The following ASB18 variants were observed in gnomAD, a reference collection of about 807,000 sequenced individuals.
ASB18 encodes ankyrin repeat and SOCS box containing 18.
In ASB18, 33 loss-of-function variants were observed where a neutral mutation model predicts 33.4. The observed-to-expected ratio is 0.99, with a 90% CI of 0.75 to 1.32. ASB18 has a LOEUF of 1.32. Among genes scored for constraint, ASB18 ranks in the 40% most tolerant of loss-of-function variants. The pLI is 0.00. For synonymous variants in ASB18, 295 were observed against 307.6 expected, an observed-to-expected ratio of 0.96 and a Z score of 0.43; for missense variants, 694 against 655.5, an observed-to-expected ratio of 1.06 and a Z score of -0.64.
intron 3 of ASB18, among the ~76,000 whole-genome samples, chr2:236,224,185 GTTTTTTTTTTTTTTTT>G (rs1161648778): frequency 3.0e-5 from 2 of 66,772 alleles, no homozygotes; most frequent in Admixed American, 1.8e-4. Flanking sequence ...GTGTTGTCAG[GTTTTTTTTTTTTTTTT>G]TTTTTTTTTT....
At chr2:236,232,158 A>G (rs1291938257) in intron 3 of ASB18, among the ~76,000 whole-genome samples, 1 of 152,162 alleles carries the variant, frequency 6.6e-6, no homozygotes, top group Non-Finnish European at 1.5e-5. Context: ...CATACAAAGT[A>G]AATTTTCTAG....
rs1442809098 is a variant in ASB18 at position 236,256,431 on chromosome 2, G to A, written c.205+7710C>T. Among the ~76,000 whole-genome samples the A allele has an allele frequency of 2.6e-5, 4 of 152,150 alleles. No homozygotes were observed. The highest frequency in any genetic ancestry group is 5.9e-5 in the Non-Finnish European group (4 of 68,036). Reference sequence around the variant, plus strand: ...CAGAGGTTGGCATTAAAAGATAGTGGGGCATTGGATGGGAAGCTAGAATCA... The same window carrying A: ...CAGAGGTTGGCATTAAAAGATAGTGAGGCATTGGATGGGAAGCTAGAATCA... On this transcript the variant is annotated intron_variant, in intron 1 of 5. Transcript: ENST00000409749. The surrounding 1 kb of genome is among the most constrained non-coding windows in gnomAD (Gnocchi z 4.7).
intron 1 of ASB18, among the ~76,000 whole-genome samples, chr2:236,243,601 G>C (rs2060632012): frequency 2.0e-5 from 3 of 152,044 alleles, no homozygotes; most frequent in Non-Finnish European, 2.9e-5. Flanking sequence ...ACATGATCTG[G>C]GGCCCTGGTA....
chr2:236,248,190 A>G lies in ASB18; in HGVS notation c.206-6788T>C, dbSNP rs13429797. 39,826 of 152,108 alleles carry G rather than the reference A, an allele frequency of 0.26. 7,868 individuals carry two copies. The highest frequency in any genetic ancestry group is 0.56 in the African/African-American group (23,216 of 41,410). The allele number at this position is 152,108 out of a possible 1,614,324, so 9.4% of individuals were successfully genotyped here. A position where few individuals can be genotyped will look rare whatever the true frequency, so the allele number is the denominator to read the frequency against. On this transcript the variant is annotated intron_variant, in intron 1 of 5. Coordinates refer to ENST00000409749, the MANE Select transcript of ASB18 (RefSeq NM_212556.4). The surrounding 1 kb of genome is among the most constrained non-coding windows in gnomAD (Gnocchi z 4.9). ...AACAGCAGTGGTTCAAACGTTGGCT[A>G]CAAAAATGAATCACCTGAGGAACTT...
chr2:236,208,836 G>A lies in ASB18; in HGVS notation c.1101+5526C>T, dbSNP rs1316155751. ...GCGGCCTCCTTGCTGTCTGCGGAGAGGCGGCTGCCACATTACTCTGACATG... is the reference window on the plus strand; with the variant it reads ...GCGGCCTCCTTGCTGTCTGCGGAGAAGCGGCTGCCACATTACTCTGACATG... On this transcript the variant is annotated intron_variant, in intron 4 of 5. Transcript: ENST00000409749. This position sits in a 1 kb window ranked among gnomAD's most constrained non-coding sequence, Gnocchi z 7.7. 6.6e-6 allele frequency among the ~76,000 whole-genome samples: 1 copy of A among 152,202 alleles called. No homozygotes were observed. The highest frequency in any genetic ancestry group is 6.5e-5 in the Admixed American group (1 of 15,284).
rs2060660591 is a variant in ASB18, at chr2:236,249,651, T to C, written c.206-8249A>G. ...TCCAAGCCAGTACATTTAGTATTTT[T>C]AGTTTTTCAAATGGTGTACTTATTT... On this transcript the variant is annotated intron_variant, in intron 1 of 5. Coordinates refer to ENST00000409749, the MANE Select transcript of ASB18 (RefSeq NM_212556.4). This position sits in a 1 kb window ranked among gnomAD's most constrained non-coding sequence, Gnocchi z 4.6. 1 of 152,214 alleles carries C rather than the reference T, an allele frequency of 6.6e-6. No individual in the cohort carries two copies. Among genetic ancestry groups the C allele is most frequent in the African/African-American group, 2.4e-5 (1 of 41,442 alleles). 9.4% of individuals were successfully genotyped at this position (152,214 alleles called of 1,614,324 possible).
chr2:236,209,963 A>C lies in ASB18; in HGVS notation c.1101+4399T>G, dbSNP rs1424791085. On this transcript the variant is annotated intron_variant, in intron 4 of 5. Transcript: ENST00000409749. This position sits in a 1 kb window ranked among gnomAD's most constrained non-coding sequence, Gnocchi z 4.4. Reference sequence around the variant, plus strand: ...TCACAAAGATAAGCCTTCAGCCTTCAGATCTCGGCTCACTCATCACACACT... The same window carrying C: ...TCACAAAGATAAGCCTTCAGCCTTCCGATCTCGGCTCACTCATCACACACT... Among the ~76,000 whole-genome samples the C allele has an allele frequency of 1.3e-5, 2 of 152,348 alleles. No homozygotes were observed. Among genetic ancestry groups the C allele is most frequent in the East Asian group, 3.9e-4 (2 of 5,192 alleles).
In ASB18 at chr2:236,245,188, C is replaced by T. The variant is rs1322959049; in HGVS notation, c.206-3786G>A. ...ATCTGACCTCTGGGCAAAGGCTCAG[C>T]TCTGGGGCTGCAGAAGGGCCCATTG... On this transcript the variant is annotated intron_variant, in intron 1 of 5. Coordinates refer to ENST00000409749, the MANE Select transcript of ASB18 (RefSeq NM_212556.4). This position sits in a 1 kb window ranked among gnomAD's most constrained non-coding sequence, Gnocchi z 4.7. Among the ~76,000 whole-genome samples the T allele has an allele frequency of 6.6e-6, 1 of 152,226 alleles. No homozygotes were observed. The highest frequency in any genetic ancestry group is 1.5e-5 in the Non-Finnish European group (1 of 68,036).
chr2:236,195,188 G>GA lies in ASB18; in HGVS notation c.1216-132_1216-131insT, dbSNP rs2060366071. ...CTGATCCCAGATAAGCGCACTGGAG[G>GA]GAGACGCACCATCTTGTGGGAACCA... On this transcript the variant is annotated intron_variant, in intron 5 of 5. Transcript: ENST00000409749. This position sits in a 1 kb window ranked among gnomAD's most constrained non-coding sequence, Gnocchi z 5.5. 2 of 799,616 alleles carry GA rather than the reference G, an allele frequency of 2.5e-6. No homozygotes were observed. Among genetic ancestry groups the GA allele is most frequent in the Non-Finnish European group, 2.0e-6 (1 of 507,322 alleles). The allele number at this position is 799,616 out of a possible 1,614,324, so 49.5% of individuals were successfully genotyped here.
intron 4 of ASB18, among the ~76,000 whole-genome samples, chr2:236,197,441 T>C (rs1310890952): frequency 6.6e-6 from 1 of 152,258 alleles, no homozygotes; most frequent in Admixed American, 6.5e-5. Flanking sequence ...CCTGTAGCAT[T>C]TCTCACTGTG....
Position 236,235,978 on chromosome 2 carries a change from G to A in ASB18, c.596+1711C>T, listed in dbSNP as rs960818595. On this transcript the variant is annotated intron_variant, in intron 3 of 5. Transcript: ENST00000409749. The surrounding 1 kb of genome is among the most constrained non-coding windows in gnomAD (Gnocchi z 6.2). ...CAAAGTGTTGGGATTACCGGCATGA[G>A]CCACCGCACCTAGCCTAACAGTTAT... Among the ~76,000 whole-genome samples the A allele has an allele frequency of 3.9e-5, 6 of 152,216 alleles. No homozygotes were observed. Among genetic ancestry groups the A allele is most frequent in the East Asian group, 1.9e-4 (1 of 5,202 alleles).
intron 1 of ASB18, among the ~76,000 whole-genome samples, chr2:236,261,982 G>C (rs935726565): frequency 6.6e-6 from 1 of 152,138 alleles, no homozygotes; most frequent in African/African-American, 2.4e-5. Flanking sequence ...CCCACAACAC[G>C]TGGGAATTGT....
chr2:236,196,452 G>A lies in ASB18; in HGVS notation c.1102-67C>T, dbSNP rs1158398433. The A allele has an allele frequency of 1.2e-6, 1 of 813,818 alleles. No individual in the cohort carries two copies. The highest frequency in any genetic ancestry group is 2.1e-5 in the Admixed American group (1 of 48,704). The allele number at this position is 813,818 out of a possible 1,614,324, so 50.4% of individuals were successfully genotyped here. A position where few individuals can be genotyped will look rare whatever the true frequency, so the allele number is the denominator to read the frequency against. Reference sequence around the variant, plus strand: ...TTCTGGGTCTCAGTGGGGAAAGGGTGGGGGGTGTGGGGGGATGCTCTCCCT... The same window carrying A: ...TTCTGGGTCTCAGTGGGGAAAGGGTAGGGGGTGTGGGGGGATGCTCTCCCT... On this transcript the variant is annotated intron_variant, in intron 4 of 5. Coordinates refer to ENST00000409749, the MANE Select transcript of ASB18 (RefSeq NM_212556.4). The surrounding 1 kb of genome is among the most constrained non-coding windows in gnomAD (Gnocchi z 5.6).
Position 236,209,130 on chromosome 2 carries a change from GA to G in ASB18, c.1101+5231del, listed in dbSNP as rs113674681. 0.17 allele frequency among the ~76,000 whole-genome samples: 26,133 copies of G among 152,008 alleles called. 2,254 individuals carry two copies. The highest frequency in any genetic ancestry group is 0.25 in the South Asian group (1,198 of 4,812). ...GAAATCTCCCACTAAAAATCCTGTG[GA>G]ATTGGGATAAGCGAAGTCCCTTTAC... is the stretch of plus-strand genomic sequence containing the variant. On this transcript the variant is annotated intron_variant, in intron 4 of 5. Transcript: ENST00000409749. This position sits in a 1 kb window ranked among gnomAD's most constrained non-coding sequence, Gnocchi z 4.4.
chr2:236,259,597 A>C lies in ASB18; in HGVS notation c.205+4544T>G, dbSNP rs759266988. 4.2e-6 allele frequency: 2 copies of C among 471,108 alleles called. No individual in the cohort carries two copies. The highest frequency in any genetic ancestry group is 4.0e-5 in the African/African-American group (2 of 50,212). The allele number at this position is 471,108 out of a possible 1,614,324, so 29.2% of individuals were successfully genotyped here. ...ATGGGGTCGGAAGGATGAGATGGCA[A>C]AGGTGAGCAGAGGAGGTGCAGCCCT... On this transcript the variant is annotated intron_variant, in intron 1 of 5. Coordinates refer to ENST00000409749, the MANE Select transcript of ASB18 (RefSeq NM_212556.4). This position sits in a 1 kb window ranked among gnomAD's most constrained non-coding sequence, Gnocchi z 4.4.
chr2:236,199,453 C>T (rs922306187), intron 4 of ASB18, among the ~76,000 whole-genome samples: 1 of 149,520 alleles, frequency 6.7e-6, no homozygotes, highest in Non-Finnish European at 1.5e-5. Context: ...AATACTGATC[C>T]ATTTTTGCCT....
At position 236,241,094 on chromosome 2, in the gene ASB18, G is replaced by T. The variant is rs1406744995; in HGVS notation, c.328+186C>A. ...CAATCGCTGCTTTGCCTTTCCAACT[G>T]GATCTCTTATAGGCCATCACCTAAA... On this transcript the variant is annotated intron_variant, in intron 2 of 5. Transcript: ENST00000409749. This position sits in a 1 kb window ranked among gnomAD's most constrained non-coding sequence, Gnocchi z 4.2. Among the ~76,000 whole-genome samples, 2 of 152,062 alleles carry T rather than the reference G, an allele frequency of 1.3e-5. No individual in the cohort carries two copies. The highest frequency in any genetic ancestry group is 4.1e-4 in the South Asian group (2 of 4,822).
rs1002497343 is a variant in ASB18 at position 236,255,703 on chromosome 2, A to G, written c.205+8438T>C. On this transcript the variant is annotated intron_variant, in intron 1 of 5. Coordinates refer to ENST00000409749, the MANE Select transcript of ASB18 (RefSeq NM_212556.4). This position sits in a 1 kb window ranked among gnomAD's most constrained non-coding sequence, Gnocchi z 4.4. ...TCATTCCTTTGCTGAATGGCTCCTC[A>G]TGGCTTTTCCAAGTAAGTGTAAACA... Among the ~76,000 whole-genome samples, 5 of 152,172 alleles carry G rather than the reference A, an allele frequency of 3.3e-5. No individual in the cohort carries two copies. Among genetic ancestry groups the G allele is most frequent in the Non-Finnish European group, 7.3e-5 (5 of 68,032 alleles).
rs2060478128 is a variant in ASB18, at chr2:236,214,749, G to A, written c.714C>T (p.Tyr238=). The A allele has an allele frequency of 7.7e-6, 9 of 1,174,816 alleles. No homozygotes were observed. The South Asian group carries it at 3.5e-4, about 46-fold the overall frequency. The allele number at this position is 1,174,816 out of a possible 1,614,324, so 72.8% of individuals were successfully genotyped here. A position where few individuals can be genotyped will look rare whatever the true frequency, so the allele number is the denominator to read the frequency against. ...CGTCCACGTGCGCCCCGCGGCCCAG[G>A]TACAGGCGCGCGTGCTCGTCCAGGC... ...QRGLDEHARL[Y]LGRGAHVDAR... is the part of the protein sequence containing the mutation. Residue 238 remains tyrosine (Y), a synonymous_variant, in exon 4 of 6, where the codon TAC becomes TAT. Coordinates refer to ENST00000409749, the MANE Select transcript of ASB18 (RefSeq NM_212556.4). The surrounding 1 kb of genome is among the most constrained non-coding windows in gnomAD (Gnocchi z 6.5).
Sources: gnomAD v4.1 joint callset for allele counts (sites outside exome capture counted in the v4.1 genomes callset) on GRCh38, gnomAD v4.1.1 for gene constraint, Gnocchi (gnomAD v3.1) non-coding constraint, MANE v1.5 for transcripts, NCBI Gene and HGNC (gene_info 2026-07-23, HGNC 2026-07-21) for gene names.